TSNARE1: variants seen among roughly 807,000 people sequenced by gnomAD.
TSNARE1 encodes the protein t-SNARE domain-containing protein 1.
Under a neutral mutation model 62.0 loss-of-function variants are expected in TSNARE1, and 49 were observed. That is an observed-to-expected ratio of 0.79 (90% CI 0.63 to 1.00). The LOEUF (loss-of-function observed/expected upper bound fraction) is 1.00, where lower values mean the gene tolerates loss of function less well. Ranked by LOEUF, TSNARE1 falls within the 50% of genes least tolerant of loss-of-function variation. The pLI, the probability that TSNARE1 is intolerant of heterozygous loss-of-function variation, is 0.00. For missense variants in TSNARE1, 755 were observed against 700.1 expected (o/e 1.08, Z -0.88); for synonymous variants, 328 against 294.4 (o/e 1.11, Z -1.17).
intron 11 of TSNARE1, chr8:142,276,081 G>A (rs1321937413): frequency 3.5e-5 from 34 of 985,264 alleles, no homozygotes; most frequent in Non-Finnish European, 4.1e-5. Context: ...CCCAGCGCAG[G>A]GCCCTAGTGG....
intron 1 of TSNARE1, chr8:142,366,009 C>T (rs959457374): frequency 2.0e-5 from 8 of 394,626 alleles, no homozygotes; most frequent in African/African-American, 1.3e-4. Flanking sequence ...CAAAAATTGT[C>T]CCAGGACACT....
chr8:142,379,558 G>A (rs1471769367), intron 1 of TSNARE1, among the ~76,000 whole-genome samples: 7 of 152,212 alleles, frequency 4.6e-5, no homozygotes, highest in African/African-American at 9.6e-5. Context: ...TTACACCTTC[G>A]TTTCCTAATT....
intron 13 of TSNARE1, among the ~76,000 whole-genome samples, chr8:142,217,397 A>T (rs1282149464): frequency 6.6e-6 from 1 of 151,962 alleles, no homozygotes; most frequent in Non-Finnish European, 1.5e-5. Flanking sequence ...AGAAAAAGCA[A>T]GCAAGCAACG....
At chr8:142,270,162 T>TG (rs1819392739) in intron 12 of TSNARE1, 1 of 985,390 alleles carries the variant, frequency 1.0e-6, no homozygotes, top group Non-Finnish European at 1.2e-6. Context: ...CTGCCTAGGC[T>TG]GGGGGGCTGC....
At chr8:142,238,626 T>A (rs1351966560) in intron 12 of TSNARE1, among the ~76,000 whole-genome samples, 1 of 151,720 alleles carries the variant, frequency 6.6e-6, no homozygotes, top group Non-Finnish European at 1.5e-5. Context: ...GCCAGAACCA[T>A]GCTCAAGGCT....
chr8:142,384,629 G>A (rs1201576810), intron 1 of TSNARE1, among the ~76,000 whole-genome samples: 3 of 152,134 alleles, frequency 2.0e-5, no homozygotes, highest in East Asian at 1.9e-4. Context: ...ATAGCCCCAC[G>A]CAAAAGAATG....
intron 1 of TSNARE1, among the ~76,000 whole-genome samples, chr8:142,368,908 T>C (rs565484629): frequency 3.9e-5 from 6 of 152,292 alleles, no homozygotes; most frequent in African/African-American, 1.4e-4. Flanking sequence ...GCAGAGCACC[T>C]TCCTGGGCCC....
chr8:142,236,321 G>C (rs1324491896), intron 12 of TSNARE1, among the ~76,000 whole-genome samples: 1 of 151,936 alleles, frequency 6.6e-6, no homozygotes, highest in Non-Finnish European at 1.5e-5. Context: ...ACAGAGGCAG[G>C]AGGTGGGGAG....
intron 10 of TSNARE1, 67 bp from the exon 11 acceptor site, chr8:142,284,552 GT>G (rs5895710): frequency 1 from 1,335,758 of 1,335,772 alleles, 667,872 homozygotes; most frequent in Middle Eastern, 1. Flanking sequence ...GCACCTGAAA[GT>G]TTCCCATGGA....
intron 13 of TSNARE1, among the ~76,000 whole-genome samples, chr8:142,227,106 C>G (rs1816843023): frequency 6.9e-6 from 1 of 145,966 alleles, no homozygotes; most frequent in African/African-American, 2.6e-5. Flanking sequence ...ACTGCACCCA[C>G]ACAATAGTGA....
chr8:142,335,694 A>G (rs1831663142), intron 4 of TSNARE1, among the ~76,000 whole-genome samples: 1 of 152,222 alleles, frequency 6.6e-6, no homozygotes, highest in South Asian at 2.1e-4. Context: ...GCCAACATGA[A>G]GGCCTTACAC....
intron 1 of TSNARE1, among the ~76,000 whole-genome samples, chr8:142,401,106 C>G (rs1838260266): frequency 6.6e-6 from 1 of 152,192 alleles, no homozygotes; most frequent in African/African-American, 2.4e-5. Flanking sequence ...CTCCCCAACT[C>G]CGCCCACCTG....
intron 12 of TSNARE1, chr8:142,274,546 A>G (rs1219828989): frequency 1.0e-6 from 1 of 985,256 alleles, no homozygotes; most frequent in Admixed American, 6.1e-5. Flanking sequence ...TGGTGCATAC[A>G]AGAGAGGAGA....
At chr8:142,305,335 G>A (rs1437296667) in intron 9 of TSNARE1, among the ~76,000 whole-genome samples, 1 of 152,120 alleles carries the variant, frequency 6.6e-6, no homozygotes, top group Non-Finnish European at 1.5e-5. Context: ...CAGGAGGATA[G>A]GGGAGGGCGC....
chr8:142,324,545 G>C (rs192199212), intron 6 of TSNARE1, among the ~76,000 whole-genome samples: 131 of 152,304 alleles, frequency 8.6e-4, no homozygotes, highest in Non-Finnish European at 1.7e-3. Context: ...GGAGGCTCTC[G>C]CATTTGCTTG....
intron 12 of TSNARE1, among the ~76,000 whole-genome samples, chr8:142,230,763 T>C (rs1458979323): frequency 1.9e-5 from 2 of 103,336 alleles, no homozygotes; most frequent in African/African-American, 7.4e-5. Flanking sequence ...AATCCATTAA[T>C]GCAACCATCC....
intron 13 of TSNARE1, among the ~76,000 whole-genome samples, chr8:142,227,339 C>G (rs563959860): frequency 2.0e-4 from 22 of 110,954 alleles, no homozygotes; most frequent in African/African-American, 1.6e-3. Context: ...ATAGCCAGGA[C>G]CCCCATCCTG....
chr8:142,326,640 T>G (rs1830319367), intron 6 of TSNARE1, among the ~76,000 whole-genome samples: 2 of 144,168 alleles, frequency 1.4e-5, no homozygotes, highest in South Asian at 2.2e-4. Flanking sequence ...ATGAGACGGA[T>G]GAGGAACCAG....
intron 1 of TSNARE1, among the ~76,000 whole-genome samples, chr8:142,380,232 G>A (rs936279689): frequency 1.3e-5 from 2 of 152,232 alleles, no homozygotes; most frequent in African/African-American, 4.8e-5. Context: ...AGGAGAGCCT[G>A]CAGCACGTCC....
Sources: allele counts gnomAD v4.1 joint callset (sites outside exome capture counted in the v4.1 genomes callset), GRCh38; gene constraint gnomAD v4.1.1; transcripts MANE v1.5; gene names NCBI Gene and HGNC (gene_info 2026-07-23, HGNC 2026-07-21).